The following HDAC4 variants were observed in gnomAD, a reference collection of about 807,000 sequenced individuals.
HDAC4 encodes histone deacetylase 4.
Under a neutral mutation model 135.1 loss-of-function variants are expected in HDAC4, and 16 were observed. That is an observed-to-expected ratio of 0.12 (90% CI 0.08 to 0.18). The LOEUF is 0.18. Ranked by LOEUF, HDAC4 falls within the 10% of genes least tolerant of loss-of-function variation. The pLI is 1.00. For missense variants in HDAC4, 1,143 were observed against 1,511.8 expected (o/e 0.76, Z 4.05); for synonymous variants, 685 against 653.4 (o/e 1.05, Z -0.74).
chr2:239,216,750 C>A (rs1193017080), intron 3 of HDAC4, among the ~76,000 whole-genome samples: 2 of 152,094 alleles, frequency 1.3e-5, no homozygotes, highest in Non-Finnish European at 2.9e-5. Context: ...CAGGACTGAC[C>A]GGGAAGGGTG....
At chr2:239,210,768 G>T (rs879709043) in intron 3 of HDAC4, among the ~76,000 whole-genome samples, 6 of 152,226 alleles carry the variant, frequency 3.9e-5, no homozygotes, top group Non-Finnish European at 7.3e-5. Flanking sequence ...ACACTCAACA[G>T]GTGGGATAAG....
chr2:239,245,651 T>G lies in HDAC4; in HGVS notation c.23-8987A>C, dbSNP rs2048419688. ...GTCACGATGGAGAGCCTCAGGGATT[T>G]CCTGGCGGGAGGTGGCTGTGGGCAC... On this transcript the variant is annotated intron_variant, in intron 2 of 26. Transcript: ENST00000543185. The surrounding 1 kb of genome is among the most constrained non-coding windows in gnomAD (Gnocchi z 4.4). Among the ~76,000 whole-genome samples the G allele has an allele frequency of 6.6e-6, 1 of 152,160 alleles. No homozygotes were observed. Among genetic ancestry groups the G allele is most frequent in the African/African-American group, 2.4e-5 (1 of 41,436 alleles).
At chr2:239,152,901 T>C (rs1371585254) in intron 7 of HDAC4, among the ~76,000 whole-genome samples, 1 of 152,202 alleles carries the variant, frequency 6.6e-6, no homozygotes, top group African/African-American at 2.4e-5. Flanking sequence ...CGAAGGACTT[T>C]GCAAATATTA....
intron 22 of HDAC4, among the ~76,000 whole-genome samples, chr2:239,075,143 G>C (rs2034604422): frequency 7.4e-6 from 1 of 134,970 alleles, no homozygotes; most frequent in Admixed American, 8.7e-5. Flanking sequence ...AGAATGGCAT[G>C]AACCTGGGAG....
chr2:239,134,721 T>C (rs1014953719), intron 9 of HDAC4, 78 bp from the exon 10 acceptor site: 18 of 989,556 alleles, frequency 1.8e-5, no homozygotes, highest in African/African-American at 6.4e-5. Context: ...AAAACAACGA[T>C]GAAAACACCT....
At chr2:239,362,316 C>T (rs1216676563) in intron 1 of HDAC4, among the ~76,000 whole-genome samples, 1 of 152,202 alleles carries the variant, frequency 6.6e-6, no homozygotes, top group African/African-American at 2.4e-5. Flanking sequence ...ATTTCCTTCA[C>T]CAAACACTTG....
intron 20 of HDAC4, among the ~76,000 whole-genome samples, chr2:239,082,661 G>A (rs546902524): frequency 1.3e-4 from 20 of 152,250 alleles, no homozygotes; most frequent in Non-Finnish European, 2.2e-4. Flanking sequence ...TTGCAGGCAC[G>A]TGGGAGGTGC....
chr2:239,348,596 T>G (rs982853397), intron 2 of HDAC4, among the ~76,000 whole-genome samples: 5 of 152,228 alleles, frequency 3.3e-5, no homozygotes, highest in Non-Finnish European at 7.3e-5. Flanking sequence ...CCCCGTGGGC[T>G]TTCCGTCCAC....
At chr2:239,179,274 G>A (rs2043982946) in intron 4 of HDAC4, among the ~76,000 whole-genome samples, 2 of 152,200 alleles carry the variant, frequency 1.3e-5, no homozygotes, top group Non-Finnish European at 2.9e-5. Context: ...ATCCCTCTAC[G>A]ACAGGGGTCC....
At chr2:239,388,740 C>A (rs573733492) in intron 1 of HDAC4, among the ~76,000 whole-genome samples, 16 of 152,352 alleles carry the variant, frequency 1.1e-4, no homozygotes, top group African/African-American at 3.4e-4. Flanking sequence ...CTGGCCCCCA[C>A]TCCCCACTCT....
intron 2 of HDAC4, among the ~76,000 whole-genome samples, chr2:239,239,553 C>T (rs757986691): frequency 1.3e-5 from 2 of 152,150 alleles, no homozygotes; most frequent in East Asian, 1.9e-4. Context: ...TTAGGAATAA[C>T]GAAAGGCTCG....
chr2:239,291,589 G>A (rs942916256), intron 2 of HDAC4, among the ~76,000 whole-genome samples: 1 of 152,218 alleles, frequency 6.6e-6, no homozygotes, highest in Non-Finnish European at 1.5e-5. Context: ...GGTAGGGCCC[G>A]AAGCCAGCCT....
intron 15 of HDAC4, 147 bp downstream of exon 15, chr2:239,107,903 C>G: frequency 2.0e-6 from 2 of 983,926 alleles, no homozygotes; most frequent in East Asian, 5.1e-5. Flanking sequence ...CAAATGCAGA[C>G]AGTGAAGATG....
intron 14 of HDAC4, among the ~76,000 whole-genome samples, chr2:239,109,119 A>T (rs960180464): frequency 1.2e-4 from 18 of 152,184 alleles, no homozygotes; most frequent in African/African-American, 4.3e-4. Context: ...CCCTGGTGAC[A>T]CCTGGCAGGA....
intron 1 of HDAC4, among the ~76,000 whole-genome samples, chr2:239,356,773 G>A (rs796257312): frequency 6.6e-6 from 1 of 152,080 alleles, no homozygotes. Context: ...GTGTGCATAG[G>A]TATTCACTCA....
At position 239,054,766 on chromosome 2, in the gene HDAC4, T is replaced by G. The variant is rs1411266955; in HGVS notation, c.3071A>C (p.Lys1024Thr). The G allele has an allele frequency of 6.2e-7, 1 of 1,612,050 alleles. No individual in the cohort carries two copies. The highest frequency in any genetic ancestry group is 1.7e-5 in the Admixed American group (1 of 60,030). The change falls in exon 25 of 27, where the codon AAA becomes ACA. Residue 1024 changes from lysine (K) to threonine (T), a missense_variant. This residue lies in a region of HDAC4 where 131 missense variants were observed against 130.6 expected (regional missense o/e 1.00). Transcript: ENST00000543185. ...PNANAVRSMEKVMEIHSKYWR... is the reference protein window; with the variant it reads ...PNANAVRSMETVMEIHSKYWR... Reference sequence around the variant, plus strand: ...CAACTTACTGTGGATCTCCATGACTTTCTCCATGGAACGGACAGCGTTTGC... The same window carrying G: ...CAACTTACTGTGGATCTCCATGACTGTCTCCATGGAACGGACAGCGTTTGC...
chr2:239,303,427 G>A lies in HDAC4; in HGVS notation c.22+49251C>T, dbSNP rs560634441. Among the ~76,000 whole-genome samples the A allele has an allele frequency of 2.6e-5, 4 of 152,094 alleles. No individual in the cohort carries two copies. The highest frequency in any genetic ancestry group is 7.2e-5 in the African/African-American group (3 of 41,508). On this transcript the variant is annotated intron_variant, in intron 2 of 26. Transcript: ENST00000543185. The surrounding 1 kb of genome is among the most constrained non-coding windows in gnomAD (Gnocchi z 5.1). The stretch of plus-strand genomic sequence containing the variant: ...GCAGTCGCCACCGAGCACTCGTGGT[G>A]TGGCCCACAGGGCATCCTGCGAGAG...
chr2:239,314,182 C>T (rs899023787), intron 2 of HDAC4, among the ~76,000 whole-genome samples: 1 of 152,138 alleles, frequency 6.6e-6, no homozygotes, highest in Non-Finnish European at 1.5e-5. Flanking sequence ...GAAACCTTCT[C>T]TAGAGGAACA....
chr2:239,163,438 AC>A (rs2042936824), intron 6 of HDAC4, among the ~76,000 whole-genome samples: 1 of 151,024 alleles, frequency 6.6e-6, no homozygotes, highest in Admixed American at 6.6e-5. Context: ...GTGTGAGTGG[AC>A]CCCCAGACCA....
Sources: allele counts gnomAD v4.1 joint callset (sites outside exome capture counted in the v4.1 genomes callset), GRCh38; gene constraint gnomAD v4.1.1; regional missense constraint gnomAD v4.1.1; non-coding constraint Gnocchi (gnomAD v3.1); transcripts MANE v1.5; gene names NCBI Gene and HGNC (gene_info 2026-07-23, HGNC 2026-07-21).